Variants in ZNF626 observed in about 807,000 individuals in gnomAD.
ZNF626 encodes the protein zinc finger protein 626.
ZNF626 carries 4 observed loss-of-function variants against 11.7 expected under a neutral mutation model. The ratio of observed to expected loss-of-function variants is 0.34; its 90% confidence interval spans 0.17 to 0.78. The LOEUF is 0.78. ZNF626 is among the 30% of genes least tolerant of loss of function. The pLI is 0.57. For synonymous variants in ZNF626, 179 were observed against 198.6 expected, an observed-to-expected ratio of 0.90 and a Z score of 0.83; for missense variants, 588 against 587.1, an observed-to-expected ratio of 1.00 and a Z score of -0.01.
intron 3 of ZNF626, among the ~76,000 whole-genome samples, chr19:20,635,479 C>T (rs1348496526): frequency 2.6e-5 from 4 of 152,088 alleles, no homozygotes; most frequent in Non-Finnish European, 4.4e-5. Flanking sequence ...ATCACCACCA[C>T]GCCTGGCTAA....
chr19:20,622,412 C>G lies in ZNF626; in HGVS notation c.*1878G>C, dbSNP rs1157096414. On this transcript the variant is annotated 3_prime_UTR_variant, in exon 4 of 4. Transcript: ENST00000601440. The stretch of plus-strand genomic sequence containing the variant: ...AGGTTAACTACAATGAGCCTCTCCA[C>G]TTATATTTTCGTCATGCATCTTACA... 6.6e-6 allele frequency: 1 copy of G among 152,108 alleles called. No individual in the cohort carries two copies. Among genetic ancestry groups the G allele is most frequent in the African/African-American group, 2.4e-5 (1 of 41,436 alleles). The allele number at this position is 152,108 out of a possible 1,614,324, so 9.4% of individuals were successfully genotyped here.
chr19:20,630,493 C>T (rs1335611765), intron 3 of ZNF626, among the ~76,000 whole-genome samples: 4 of 152,100 alleles, frequency 2.6e-5, no homozygotes, highest in African/African-American at 9.7e-5. Context: ...CAGCTTCTTC[C>T]TGGTTTAGTC....
At chr19:20,641,763 C>T (rs957688445) in intron 3 of ZNF626, among the ~76,000 whole-genome samples, 2 of 151,760 alleles carry the variant, frequency 1.3e-5, no homozygotes, top group Admixed American at 1.3e-4. Flanking sequence ...ATATGTTCCC[C>T]AGGCTGGTCT....
chr19:20,661,436 ACT>A lies in ZNF626; in HGVS notation c.3+6_3+7del, dbSNP rs1555773687. The A allele has an allele frequency of 6.2e-7, 1 of 1,612,944 alleles. No individual in the cohort carries two copies. The highest frequency in any genetic ancestry group is 8.5e-7 in the Non-Finnish European group (1 of 1,179,566). ...TCCTCTCTCGGGATGTCGGACCCTC[ACT>A]CTCACCATTTTTGGCTTCCAGGAGG... is the stretch of plus-strand genomic sequence containing the variant. On this transcript the variant is annotated splice_donor_region_variant and intron_variant, in intron 1 of 3. Coordinates refer to ENST00000601440, the MANE Select transcript of ZNF626 (RefSeq NM_001076675.3).
rs2144780095 is a variant in ZNF626 at position 20,641,486 on chromosome 19, T to C, written c.226+4198A>G. ...GTCAAGGGCTGGAGAGAGGGTAAAATTAGCAGTTGTTATTTCATGGGTATT... is the reference window on the plus strand; with the variant it reads ...GTCAAGGGCTGGAGAGAGGGTAAAACTAGCAGTTGTTATTTCATGGGTATT... On this transcript the variant is annotated intron_variant, in intron 3 of 3. Transcript: ENST00000601440. Among the ~76,000 whole-genome samples, 6 of 152,254 alleles carry C rather than the reference T, an allele frequency of 3.9e-5. 1 individual carries two copies. In the South Asian group the frequency reaches 1.2e-3, roughly 32 times the overall value.
chr19:20,630,075 G>T (rs1404328533), intron 3 of ZNF626, among the ~76,000 whole-genome samples: 12 of 152,046 alleles, frequency 7.9e-5, no homozygotes, highest in African/African-American at 2.9e-4. Flanking sequence ...ATATGCTGGA[G>T]TATGTTTATT....
chr19:20,649,113 CTTT>C (rs1273644473), intron 1 of ZNF626, among the ~76,000 whole-genome samples: 1 of 152,000 alleles, frequency 6.6e-6, no homozygotes, highest in African/African-American at 2.4e-5. Context: ...AGAAAAGCCA[CTTT>C]TTTTTCTTTC....
At position 20,620,045 on chromosome 19, in the gene ZNF626, T is replaced by A. The variant is rs567748591; in HGVS notation, c.*4245A>T. 1 of 152,194 alleles carries A rather than the reference T, an allele frequency of 6.6e-6. No individual in the cohort carries two copies. Among genetic ancestry groups the A allele is most frequent in the Non-Finnish European group, 1.5e-5 (1 of 68,038 alleles). 9.4% of individuals were successfully genotyped at this position (152,194 alleles called of 1,614,324 possible). ...GTCATTTTATACATTCACACACACATAGAACAATAAAAATGTATCCAATTA... is the reference window on the plus strand; with the variant it reads ...GTCATTTTATACATTCACACACACAAAGAACAATAAAAATGTATCCAATTA... On this transcript the variant is annotated 3_prime_UTR_variant, in exon 4 of 4. Transcript: ENST00000601440.
Position 20,623,213 on chromosome 19 carries a change from T to C in ZNF626, c.*1077A>G, listed in dbSNP as rs1366788960. ...AATGGGTTTTCCATATTCTTTATAT[T>C]TGTACAATTTTTCTCAAGGATAATA... On this transcript the variant is annotated 3_prime_UTR_variant, in exon 4 of 4. Transcript: ENST00000601440. 1 of 152,204 alleles carries C rather than the reference T, an allele frequency of 6.6e-6. No individual in the cohort carries two copies. Among genetic ancestry groups the C allele is most frequent in the African/African-American group, 2.4e-5 (1 of 41,434 alleles). The allele number at this position is 152,204 out of a possible 1,614,324, so 9.4% of individuals were successfully genotyped here.
intron 1 of ZNF626, among the ~76,000 whole-genome samples, chr19:20,659,485 T>A (rs1293014820): frequency 6.6e-6 from 1 of 152,082 alleles, no homozygotes; most frequent in Non-Finnish European, 1.5e-5. Context: ...CGGTGATCCG[T>A]CCGCCTAGGC....
At chr19:20,637,649 G>A (rs1969980862) in intron 3 of ZNF626, among the ~76,000 whole-genome samples, 1 of 151,738 alleles carries the variant, frequency 6.6e-6, no homozygotes, top group Non-Finnish European at 1.5e-5. Flanking sequence ...GTAATCTCCA[G>A]CTTTCAAGAT....
Position 20,627,911 on chromosome 19 carries a change from C to T in ZNF626, c.227-2261G>A, listed in dbSNP as rs993652825. Among the ~76,000 whole-genome samples the T allele has an allele frequency of 1.7e-4, 26 of 152,202 alleles. 1 individual carries two copies. The highest frequency in any genetic ancestry group is 6.0e-4 in the African/African-American group (25 of 41,526). ...GTCATTTAGCATTAGGTGTATCTCC[C>T]AATGCTATCCCTCCCCCTGCCCCTG... is the stretch of plus-strand genomic sequence containing the variant. On this transcript the variant is annotated intron_variant, in intron 3 of 3. Coordinates refer to ENST00000601440, the MANE Select transcript of ZNF626 (RefSeq NM_001076675.3).
intron 3 of ZNF626, among the ~76,000 whole-genome samples, chr19:20,639,884 G>A (rs927031824): frequency 7.2e-5 from 11 of 152,086 alleles, no homozygotes; most frequent in African/African-American, 2.7e-4. Context: ...ACATATTCTT[G>A]CTCAGGGGTC....
chr19:20,643,928 A>G (rs1970048904), intron 3 of ZNF626, among the ~76,000 whole-genome samples: 1 of 152,212 alleles, frequency 6.6e-6, no homozygotes, highest in Non-Finnish European at 1.5e-5. Context: ...GCCCTCATTC[A>G]GGTGGGAAAT....
At position 20,633,762 on chromosome 19, in the gene ZNF626, G is replaced by A. The variant is rs186758969; in HGVS notation, c.227-8112C>T. 3.1e-3 allele frequency among the ~76,000 whole-genome samples: 468 copies of A among 152,306 alleles called. 2 individuals carry two copies. Among genetic ancestry groups the A allele is most frequent in the Non-Finnish European group, 5.3e-3 (359 of 68,020 alleles). ...CCTGGGTGAGGCGATGCCTCGCCCT[G>A]CTTTGGCTCGTGCACAGTGCGCTGC... is the stretch of plus-strand genomic sequence containing the variant. On this transcript the variant is annotated intron_variant, in intron 3 of 3. Coordinates refer to ENST00000601440, the MANE Select transcript of ZNF626 (RefSeq NM_001076675.3).
rs1401214968 is a variant in ZNF626, at chr19:20,623,987, TAA to T, written c.*301_*302del. 5.6e-5 allele frequency: 30 copies of T among 539,278 alleles called. No individual in the cohort carries two copies. Among genetic ancestry groups the T allele is most frequent in the Non-Finnish European group, 9.5e-5 (28 of 295,730 alleles). The allele number at this position is 539,278 out of a possible 1,614,324, so 33.4% of individuals were successfully genotyped here. A position where few individuals can be genotyped will look rare whatever the true frequency, so the allele number is the denominator to read the frequency against. ...TCTTAGTTAGAAATTGAGGGCTGGT[TAA>T]AAGATTTTCCCCATTCATCACATTC... On this transcript the variant is annotated 3_prime_UTR_variant, in exon 4 of 4. Coordinates refer to ENST00000601440, the MANE Select transcript of ZNF626 (RefSeq NM_001076675.3).
chr19:20,653,785 C>CT (rs1970175088), intron 1 of ZNF626, among the ~76,000 whole-genome samples: 1 of 152,110 alleles, frequency 6.6e-6, no homozygotes, highest in Admixed American at 6.5e-5. Flanking sequence ...TGAAATACAT[C>CT]TTACAACTTC....
chr19:20,645,923 T>G (rs1555771864), intron 2 of ZNF626, 144 bp from the exon 3 acceptor site: 2 of 646,938 alleles, frequency 3.1e-6, no homozygotes, highest in African/African-American at 1.9e-5. Flanking sequence ...TTTTAAATAA[T>G]TAGAAAATAC....
intron 3 of ZNF626, 150 bp downstream of exon 3, chr19:20,645,534 C>G (rs1048435598): frequency 4.9e-5 from 76 of 1,545,620 alleles, no homozygotes; most frequent in Non-Finnish European, 6.3e-5. Flanking sequence ...AAGAAAAAAC[C>G]AAACAAACAA....
Sources: gnomAD v4.1 joint callset for allele counts (sites outside exome capture counted in the v4.1 genomes callset) on GRCh38, gnomAD v4.1.1 for gene constraint, MANE v1.5 for transcripts, NCBI Gene and HGNC (gene_info 2026-07-23, HGNC 2026-07-21) for gene names.